The following PER2 variants were observed in gnomAD, a reference collection of about 807,000 sequenced individuals.
The protein encoded by PER2 is period circadian protein homolog 2.
PER2 carries 66 observed loss-of-function variants against 121.0 expected under a neutral mutation model. That is an observed-to-expected ratio of 0.55 (90% CI 0.45 to 0.67). The LOEUF (loss-of-function observed/expected upper bound fraction) is 0.67. Among genes scored for constraint, PER2 ranks in the 30% least tolerant of loss-of-function variants. PER2 has a pLI of 0.00. For missense variants in PER2, 1,521 were observed against 1,635.0 expected, an observed-to-expected ratio of 0.93 and a Z score of 1.20; for synonymous variants, 684 against 659.9, an observed-to-expected ratio of 1.04 and a Z score of -0.56.
intron 12 of PER2, 63 bp from the exon 13 acceptor site, chr2:238,261,016 C>T: frequency 6.4e-7 from 1 of 1,574,512 alleles, no homozygotes; most frequent in Non-Finnish European, 8.6e-7. Context: ...CATGTGGCCC[C>T]CTGCCAACAC....
At chr2:238,255,614 A>T (rs1695734843) in intron 18 of PER2, 43 bp downstream of exon 18, 1 of 1,606,470 alleles carries the variant, frequency 6.2e-7, no homozygotes, top group African/African-American at 1.3e-5. Flanking sequence ...ACCAACAGGA[A>T]TAAAGTTTTT....
chr2:238,262,648 C>T (rs1019346384), intron 10 of PER2, among the ~76,000 whole-genome samples: 8 of 152,140 alleles, frequency 5.3e-5, no homozygotes, highest in African/African-American at 1.9e-4. Context: ...TTCCTAGCCA[C>T]AGATGAACTG....
chr2:238,274,231 CG>C (rs1559333856), intron 4 of PER2, among the ~76,000 whole-genome samples: 1 of 152,226 alleles, frequency 6.6e-6, no homozygotes, highest in Non-Finnish European at 1.5e-5. Context: ...CTCTGGGTGT[CG>C]GTGCTCATGG....
intron 5 of PER2, among the ~76,000 whole-genome samples, 186 bp downstream of exon 5, chr2:238,272,884 A>C (rs761600753): frequency 1.3e-5 from 2 of 152,236 alleles, no homozygotes; most frequent in Non-Finnish European, 2.9e-5. Flanking sequence ...CAGAAGGCAG[A>C]AGTCCAGAAC....
upstream of PER2, among the ~76,000 whole-genome samples, chr2:238,293,349 C>G (rs1399276365): frequency 1.3e-5 from 2 of 152,184 alleles, no homozygotes; most frequent in East Asian, 1.9e-4. Context: ...GTGTACCCAA[C>G]TGACTTCTCT....
intron 14 of PER2, among the ~76,000 whole-genome samples, chr2:238,259,178 A>G (rs1695851207): frequency 6.6e-6 from 1 of 152,224 alleles, no homozygotes; most frequent in Admixed American, 6.5e-5. Context: ...CCCAGCACAG[A>G]GTCCAGCAGG....
Position 238,271,375 on chromosome 2 carries a change from C to G in PER2, c.709G>C (p.Gly237Arg). The change falls in exon 6 of 23, where the codon GGC becomes CGC. Residue 237 changes from glycine to arginine, a missense_variant. By Grantham distance (125) the Gly-to-Arg change is moderately radical (BLOSUM62 -2). Coordinates refer to ENST00000254657, the MANE Select transcript of PER2 (RefSeq NM_022817.3). ...GGGGAGGTGAAACTGTGGAACACGC[C>G]CACATCGTGAGGCGCCAGGAACTCC... The part of the protein sequence containing the change: ...FVEFLAPHDV[G>R]VFHSFTSPYK... 1.2e-6 allele frequency: 2 copies of G among 1,614,208 alleles called. No homozygotes were observed. Among genetic ancestry groups the G allele is most frequent in the Non-Finnish European group, 1.7e-6 (2 of 1,180,032 alleles).
chr2:238,280,741 C>T (rs1163254499), intron 1 of PER2, among the ~76,000 whole-genome samples: 2 of 152,026 alleles, frequency 1.3e-5, no homozygotes, highest in African/African-American at 4.8e-5. Flanking sequence ...CTGAAAGAGA[C>T]GAGAACAATA....
intron 1 of PER2, among the ~76,000 whole-genome samples, chr2:238,283,050 G>A (rs1187533445): frequency 1.3e-5 from 2 of 151,918 alleles, no homozygotes; most frequent in Non-Finnish European, 2.9e-5. Context: ...CCACACCACT[G>A]TGGGGGCCCT....
intron 3 of PER2, 28 bp from the exon 4 acceptor site, chr2:238,275,925 A>G (rs372722346): frequency 7.4e-6 from 12 of 1,613,708 alleles, no homozygotes; most frequent in Admixed American, 1.7e-5. Flanking sequence ...GAGGCAGCCA[A>G]ATGTTAGCTT....
chr2:238,269,080 G>A, intron 6 of PER2, 106 bp from the exon 7 acceptor site: 2 of 890,204 alleles, frequency 2.2e-6, no homozygotes. Flanking sequence ...AAGATTCAAG[G>A]TGAAAACTGA....
chr2:238,251,630 T>C lies in PER2; in HGVS notation c.3243A>G (p.Ser1081=), dbSNP rs766993828. The C allele has an allele frequency of 1.5e-5, 24 of 1,614,016 alleles. No homozygotes were observed. Among genetic ancestry groups the C allele is most frequent in the Non-Finnish European group, 1.9e-5 (23 of 1,180,016 alleles). The change falls in exon 20 of 23, where the codon TCA becomes TCG. Residue 1081 remains serine, a synonymous_variant. Coordinates refer to ENST00000254657, the MANE Select transcript of PER2 (RefSeq NM_022817.3). ...CACTCGGGGAGGCGTCGCAGCCCAG[T>C]GAGCCGGAGCCCAGAGACTCCGAAG... ...SAASESLGSG[S]LGCDASPSGA...
chr2:238,299,506 C>G, the PER2 span: 1 of 152,264 alleles, frequency 6.6e-6, no homozygotes, highest in African/African-American at 2.4e-5. Flanking sequence ...CACGCCACTG[C>G]ACTCCAGCCT....
chr2:238,266,175 C>T (rs10181746), intron 8 of PER2, among the ~76,000 whole-genome samples: 70,440 of 152,016 alleles, frequency 0.46, 18,375 homozygotes, highest in African/African-American at 0.71. Context: ...AGTGCTGGGA[C>T]TACAGGCGTG....
chr2:238,266,271 T>A (rs1236736047), intron 8 of PER2, among the ~76,000 whole-genome samples: 1 of 151,758 alleles, frequency 6.6e-6, no homozygotes, highest in Admixed American at 6.6e-5. Context: ...ATGAGTTACA[T>A]ACTTGGATTC....
chr2:238,277,017 A>G, intron 3 of PER2, 114 bp downstream of exon 3: 3 of 820,230 alleles, frequency 3.7e-6, no homozygotes, highest in Non-Finnish European at 4.4e-6. Flanking sequence ...AGCCACACAG[A>G]TGGGTTTTAG....
chr2:238,280,258 T>C (rs1464482536), intron 1 of PER2, among the ~76,000 whole-genome samples: 2 of 152,212 alleles, frequency 1.3e-5, no homozygotes, highest in African/African-American at 4.8e-5. Context: ...GTCGAGCCCA[T>C]TCGCCGGTGA....
chr2:238,295,204 AGTTGTT>A, the PER2 span, among the ~76,000 whole-genome samples: 22 of 148,788 alleles, frequency 1.5e-4, no homozygotes, highest in East Asian at 1.9e-3. Flanking sequence ...GAAGCAACAA[AGTTGTT>A]GTTGTTGTTG....
intron 21 of PER2, 141 bp from the exon 22 acceptor site, chr2:238,249,353 C>T: frequency 1.3e-6 from 1 of 752,316 alleles, no homozygotes. Flanking sequence ...TTTAAGGTAA[C>T]TTAATCTCCC....
Sources: allele counts gnomAD v4.1 joint callset (sites outside exome capture counted in the v4.1 genomes callset), GRCh38; gene constraint gnomAD v4.1.1; transcripts MANE v1.5; gene names NCBI Gene and HGNC (gene_info 2026-07-23, HGNC 2026-07-21).